The following KIRREL3 variants were observed in gnomAD, a reference collection of about 807,000 sequenced individuals.
KIRREL3 encodes the protein kin of IRRE-like protein 3.
In KIRREL3, 36 loss-of-function variants were observed where a neutral mutation model predicts 89.7. The ratio of observed to expected loss-of-function variants is 0.40; its 90% confidence interval spans 0.31 to 0.53. KIRREL3 has a LOEUF of 0.53. Among genes scored for constraint, KIRREL3 ranks in the 20% least tolerant of loss-of-function variants. The pLI is 0.49. For synonymous variants in KIRREL3, 445 were observed against 441.4 expected (o/e 1.01, Z -0.10); for missense variants, 864 against 1,056.6 (o/e 0.82, Z 2.53).
rs547062851 is a variant in KIRREL3, at chr11:126,896,973, A to C, written c.55+103482T>G. On this transcript the variant is annotated intron_variant, in intron 1 of 16. Transcript: ENST00000525144. This position sits in a 1 kb window ranked among gnomAD's most constrained non-coding sequence, Gnocchi z 4.1. ...TTACTCTAAGACTTTGCAGAATCAA[A>C]AGATTCTAAGAAGAGGCCAGGGAAA... 2.0e-5 allele frequency among the ~76,000 whole-genome samples: 3 copies of C among 152,292 alleles called. No individual in the cohort carries two copies. In the East Asian group the frequency reaches 5.8e-4, roughly 29 times the overall value.
Position 126,780,817 on chromosome 11 carries a change from A to C in KIRREL3, c.56-217905T>G, listed in dbSNP as rs1022742877. 3.3e-5 allele frequency among the ~76,000 whole-genome samples: 5 copies of C among 152,170 alleles called. No individual in the cohort carries two copies. The highest frequency in any genetic ancestry group is 7.4e-5 in the Non-Finnish European group (5 of 68,022). ...ATGGAGCTTTAAATATGCATCAAAA[A>C]CACCACACAGCAGGGAGGCTTCTCA... is the stretch of plus-strand genomic sequence containing the variant. On this transcript the variant is annotated intron_variant, in intron 1 of 16. Transcript: ENST00000525144. This position sits in a 1 kb window ranked among gnomAD's most constrained non-coding sequence, Gnocchi z 5.3.
intron 1 of KIRREL3, among the ~76,000 whole-genome samples, chr11:126,861,350 C>T (rs1350413033): frequency 6.6e-6 from 1 of 152,104 alleles, no homozygotes; most frequent in Non-Finnish European, 1.5e-5. Context: ...GGAATCAAGA[C>T]CACCCAGTGG....
chr11:126,918,298 C>T lies in KIRREL3; in HGVS notation c.55+82157G>A, dbSNP rs74616162. 1.3e-5 allele frequency among the ~76,000 whole-genome samples: 2 copies of T among 152,326 alleles called. No homozygotes were observed. Among genetic ancestry groups the T allele is most frequent in the Admixed American group, 6.5e-5 (1 of 15,304 alleles). On this transcript the variant is annotated intron_variant, in intron 1 of 16. Coordinates refer to ENST00000525144, the MANE Select transcript of KIRREL3 (RefSeq NM_032531.4). This position sits in a 1 kb window ranked among gnomAD's most constrained non-coding sequence, Gnocchi z 6.5. ...AGTGAATTGCAAGTAAGCAAATAAA[C>T]ATGATTTAATAGTAGATGAGAAGAC... is the stretch of plus-strand genomic sequence containing the variant.
chr11:126,456,493 A>C, intron 6 of KIRREL3, 39 bp from the exon 7 acceptor site: 1 of 1,354,312 alleles, frequency 7.4e-7, no homozygotes. Flanking sequence ...CCGGAGAAAG[A>C]ATGGGGGCAG....
chr11:126,542,849 C>A (rs1938476024), intron 2 of KIRREL3, among the ~76,000 whole-genome samples: 4 of 152,176 alleles, frequency 2.6e-5, no homozygotes, highest in Admixed American at 1.3e-4. Flanking sequence ...TGAGTGCTGA[C>A]TATATATGTG....
intron 1 of KIRREL3, among the ~76,000 whole-genome samples, chr11:126,944,765 C>T (rs1002520268): frequency 1.3e-5 from 2 of 152,190 alleles, no homozygotes; most frequent in Admixed American, 6.5e-5. Flanking sequence ...GGAGCTGACT[C>T]GGAGAGAATT....
chr11:126,928,233 C>A (rs1472564723), intron 1 of KIRREL3, among the ~76,000 whole-genome samples: 1 of 152,180 alleles, frequency 6.6e-6, no homozygotes, highest in African/African-American at 2.4e-5. Flanking sequence ...TGGGATAGAT[C>A]CCACCAGTGG....
intron 1 of KIRREL3, among the ~76,000 whole-genome samples, chr11:126,828,993 A>G (rs4617605): frequency 0.86 from 131,345 of 152,138 alleles, 57,049 homozygotes; most frequent in East Asian, 1. Context: ...GGACCTCTGA[A>G]GAGGTCTACA....
chr11:126,709,975 A>T lies in KIRREL3; in HGVS notation c.56-147063T>A, dbSNP rs560808329. Among the ~76,000 whole-genome samples, 160 of 152,296 alleles carry T rather than the reference A, an allele frequency of 1.1e-3. 2 individuals carry two copies. In the South Asian group the frequency reaches 0.024, roughly 23 times the overall value. On this transcript the variant is annotated intron_variant, in intron 1 of 16. Transcript: ENST00000525144. This position sits in a 1 kb window ranked among gnomAD's most constrained non-coding sequence, Gnocchi z 4.0. Reference sequence around the variant, plus strand: ...CTGTGAACATTCTGCATTCATTATCACTAATCCTTACACATGCCCTGCCAG... The same window carrying T: ...CTGTGAACATTCTGCATTCATTATCTCTAATCCTTACACATGCCCTGCCAG...
At chr11:126,483,437 CT>C (rs202196363) in intron 4 of KIRREL3, among the ~76,000 whole-genome samples, 3,238 of 152,278 alleles carry the variant, frequency 0.021, 120 homozygotes, top group African/African-American at 0.069. Flanking sequence ...AAATATATTA[CT>C]TTTTCTCCCC....
In KIRREL3 at chr11:126,561,745, T is replaced by C. The variant is rs1940138891; in HGVS notation, c.133+1090A>G. On this transcript the variant is annotated intron_variant, in intron 2 of 16. Transcript: ENST00000525144. This position sits in a 1 kb window ranked among gnomAD's most constrained non-coding sequence, Gnocchi z 4.5. ...GGAGGTGATCACTTCCTGTGCTTAA[T>C]TGTGCTGGCCTAACTCTTGTCAGAT... Among the ~76,000 whole-genome samples, 1 of 152,174 alleles carries C rather than the reference T, an allele frequency of 6.6e-6. No homozygotes were observed. Among genetic ancestry groups the C allele is most frequent in the South Asian group, 2.1e-4 (1 of 4,830 alleles).
chr11:126,731,356 G>A (rs764647859), intron 1 of KIRREL3, among the ~76,000 whole-genome samples: 13 of 152,046 alleles, frequency 8.6e-5, no homozygotes, highest in East Asian at 1.9e-4. Flanking sequence ...GGTCCATCCC[G>A]CTGTGTCCAC....
intron 4 of KIRREL3, among the ~76,000 whole-genome samples, chr11:126,488,950 G>A (rs758402987): frequency 2.0e-5 from 3 of 152,296 alleles, no homozygotes; most frequent in Admixed American, 6.5e-5. Context: ...CACGGGCCTC[G>A]GACCCTGGAT....
At chr11:126,735,821 G>A (rs748379909) in intron 1 of KIRREL3, among the ~76,000 whole-genome samples, 17 of 152,128 alleles carry the variant, frequency 1.1e-4, no homozygotes, top group East Asian at 5.8e-4. Context: ...TCTCAGATAC[G>A]GCATTTATCA....
rs1940926526 is a variant in KIRREL3 at position 126,571,471 on chromosome 11, TGG to T, written c.56-8561_56-8560del. ...CCAGCATCACCAAGTGTCTGCCACC[TGG>T]GACCAGGCTCATGTAGTTCACCATC... On this transcript the variant is annotated intron_variant, in intron 1 of 16. Coordinates refer to ENST00000525144, the MANE Select transcript of KIRREL3 (RefSeq NM_032531.4). This position sits in a 1 kb window ranked among gnomAD's most constrained non-coding sequence, Gnocchi z 7.7. Among the ~76,000 whole-genome samples the T allele has an allele frequency of 6.6e-6, 1 of 152,242 alleles. No homozygotes were observed. The highest frequency in any genetic ancestry group is 1.5e-5 in the Non-Finnish European group (1 of 68,036).
At position 126,635,382 on chromosome 11, in the gene KIRREL3, T is replaced by A. The variant is rs970572309; in HGVS notation, c.56-72470A>T. On this transcript the variant is annotated intron_variant, in intron 1 of 16. Coordinates refer to ENST00000525144, the MANE Select transcript of KIRREL3 (RefSeq NM_032531.4). This position sits in a 1 kb window ranked among gnomAD's most constrained non-coding sequence, Gnocchi z 4.0. ...TATATACAGAGGTTAGACCTCAGGG[T>A]TATGTTATGGATTGGAGGGAGCAGA... Among the ~76,000 whole-genome samples, 16 of 152,256 alleles carry A rather than the reference T, an allele frequency of 1.1e-4. No homozygotes were observed. Among genetic ancestry groups the A allele is most frequent in the Non-Finnish European group, 2.2e-4 (15 of 68,022 alleles).
At chr11:126,992,268 C>T (rs183469656) in intron 1 of KIRREL3, among the ~76,000 whole-genome samples, 24 of 152,294 alleles carry the variant, frequency 1.6e-4, no homozygotes, top group Admixed American at 1.1e-3. Context: ...AGGTTTTGGA[C>T]GTCATCTAGT....
At chr11:126,573,987 T>C (rs1941116226) in intron 1 of KIRREL3, among the ~76,000 whole-genome samples, 1 of 152,186 alleles carries the variant, frequency 6.6e-6, no homozygotes, top group Admixed American at 6.5e-5. Flanking sequence ...TTGTCAGAGA[T>C]ACTTTATGGA....
intron 1 of KIRREL3, among the ~76,000 whole-genome samples, chr11:126,951,266 C>A (rs1041117248): frequency 2.0e-5 from 3 of 152,292 alleles, no homozygotes; most frequent in Non-Finnish European, 4.4e-5. Flanking sequence ...ACCTAGAGAC[C>A]TGAGATTGAA....
Sources: allele counts gnomAD v4.1 joint callset (sites outside exome capture counted in the v4.1 genomes callset), GRCh38; gene constraint gnomAD v4.1.1; non-coding constraint Gnocchi (gnomAD v3.1); transcripts MANE v1.5; gene names NCBI Gene and HGNC (gene_info 2026-07-23, HGNC 2026-07-21).